Variants in LMO7 observed in about 807,000 individuals in gnomAD.
LMO7 encodes the protein LIM domain only protein 7.
Under a neutral mutation model 206.5 loss-of-function variants are expected in LMO7, and 120 were observed. That is an observed-to-expected ratio of 0.58 (90% CI 0.50 to 0.68). The LOEUF (loss-of-function observed/expected upper bound fraction) is 0.68, where lower values mean the gene tolerates loss of function less well. LMO7 is among the 30% of genes least tolerant of loss of function. LMO7 has a pLI of 0.00. For synonymous variants in LMO7, 706 were observed against 681.5 expected, an observed-to-expected ratio of 1.04 and a Z score of -0.56; for missense variants, 1,959 against 1,957.9, an observed-to-expected ratio of 1.00 and a Z score of -0.01.
chr13:75,823,675 C>G lies in LMO7; in HGVS notation c.2751C>G (p.Ser917Arg). ...CGGACGCAAGCCAACTGGCTTCAAG[C>G]TTATCTAGCCAGAAAGAGGTAGCAG... ...PSPDASQLAS[S>R]LSSQKEVAAT... The change falls in exon 15 of 31, where the codon AGC (serine) becomes AGG (arginine). Residue 917 changes from serine (S) to arginine (R), a missense_variant. Physicochemically the swap from Ser to Arg is moderately radical, Grantham distance 110 (BLOSUM62 -1). Coordinates refer to ENST00000377534, the MANE Select transcript of LMO7 (RefSeq NM_001306080.2). 6.2e-7 allele frequency: 1 copy of G among 1,614,178 alleles called. No homozygotes were observed. The highest frequency in any genetic ancestry group is 8.5e-7 in the Non-Finnish European group (1 of 1,180,016).
At position 75,805,961 on chromosome 13, in the gene LMO7, T is replaced by C. The variant is rs543631433; in HGVS notation, c.1196+201T>C. The C allele has an allele frequency of 5.0e-4, 555 of 1,119,582 alleles. 3 individuals are homozygous for C. Among genetic ancestry groups the C allele is most frequent in the Middle Eastern group, 4.4e-3 (14 of 3,218 alleles). The allele number at this position is 1,119,582 out of a possible 1,614,324, so 69.4% of individuals were successfully genotyped here. On this transcript the variant is annotated intron_variant, in intron 9 of 30. Coordinates refer to ENST00000377534, the MANE Select transcript of LMO7 (RefSeq NM_001306080.2). ...CTAGATCTTAAAAAGCCCTGTTCTA[T>C]ACATAGTCATAGCACGGCATTATTT... is the stretch of plus-strand genomic sequence containing the variant.
Position 75,823,703 on chromosome 13 carries a change from A to G in LMO7, c.2779A>G (p.Thr927Ala), listed in dbSNP as rs2057825362. ...ATCTAGCCAGAAAGAGGTAGCAGCA[A>G]CAGAAGAAGATGTGACAAGGCTGCC... ...SLSSQKEVAA[T>A]EEDVTRLPSP... Residue 927 changes from threonine to alanine, a missense_variant, in exon 15 of 31, where the codon ACA (threonine) becomes GCA (alanine). Coordinates refer to ENST00000377534, the MANE Select transcript of LMO7 (RefSeq NM_001306080.2). 1 of 1,614,170 alleles carries G rather than the reference A, an allele frequency of 6.2e-7. No homozygotes were observed. Among genetic ancestry groups the G allele is most frequent in the Non-Finnish European group, 8.5e-7 (1 of 1,180,022 alleles).
chr13:75,805,534 ACTT>A lies in LMO7; in HGVS notation c.972_974del (p.Ser325del), dbSNP rs1287025589. 3.7e-6 allele frequency: 6 copies of A among 1,614,018 alleles called. No individual in the cohort carries two copies. The highest frequency in any genetic ancestry group is 5.1e-6 in the Non-Finnish European group (6 of 1,179,870). On this transcript the variant is annotated inframe_deletion, in exon 9 of 31. Coordinates refer to ENST00000377534, the MANE Select transcript of LMO7 (RefSeq NM_001306080.2). Reference sequence around the variant, plus strand: ...GGAGAACTGGCCAACTGTACAAGGAACTTCAAAGTCCTCTTGTTATTTGGAAGA... The same window carrying A: ...GGAGAACTGGCCAACTGTACAAGGAACAAAGTCCTCTTGTTATTTGGAAGA...
chr13:75,840,816 A>T (rs1447078436), intron 22 of LMO7, among the ~76,000 whole-genome samples: 3 of 152,170 alleles, frequency 2.0e-5, no homozygotes, highest in Non-Finnish European at 4.4e-5. Context: ...ATTGCAGAGT[A>T]ATTCAGCCCC....
chr13:75,754,138 T>A (rs2047489469), intron 3 of LMO7, among the ~76,000 whole-genome samples: 1 of 152,260 alleles, frequency 6.6e-6, no homozygotes, highest in Non-Finnish European at 1.5e-5. Flanking sequence ...TAAACATTTC[T>A]AATATTTCAA....
intron 3 of LMO7, among the ~76,000 whole-genome samples, chr13:75,741,110 A>T (rs1458850417): frequency 2.6e-5 from 4 of 152,224 alleles, no homozygotes; most frequent in Admixed American, 2.6e-4. Context: ...TAAAACTGCT[A>T]AATTGTGGTT....
At chr13:75,664,391 C>T (rs1416859282) in intron 1 of LMO7, among the ~76,000 whole-genome samples, 1 of 152,138 alleles carries the variant, frequency 6.6e-6, no homozygotes, top group Non-Finnish European at 1.5e-5. Flanking sequence ...AATAGTACTC[C>T]ATTGTAAGTA....
chr13:75,751,149 CTTTTTTTTTTTTT>C (rs57976279), intron 3 of LMO7, among the ~76,000 whole-genome samples: 23 of 60,424 alleles, frequency 3.8e-4, no homozygotes, highest in African/African-American at 1.5e-3. Context: ...TTTTTCAGCT[CTTTTTTTTTTTTT>C]TTTTTTTTTT....
rs1320254208 is a variant in LMO7, at chr13:75,840,124, A to C, written c.3477+14A>C. 1 of 1,613,660 alleles carries C rather than the reference A, an allele frequency of 6.2e-7. No individual in the cohort carries two copies. Among genetic ancestry groups the C allele is most frequent in the Non-Finnish European group, 8.5e-7 (1 of 1,179,600 alleles). ...GTGGTTCCTGATGTAAGTAGCATTC[A>C]TTTGTCATTTGGAATAAGGTGAACT... On this transcript the variant is annotated intron_variant, in intron 21 of 30. Transcript: ENST00000377534.
intron 28 of LMO7, among the ~76,000 whole-genome samples, chr13:75,853,728 G>A (rs1421660438): frequency 2.0e-5 from 3 of 152,174 alleles, no homozygotes; most frequent in African/African-American, 4.8e-5. Flanking sequence ...AGCAGCTCAC[G>A]AATGCTTCTC....
At chr13:75,717,944 T>C (rs188262865) in intron 2 of LMO7, among the ~76,000 whole-genome samples, 175 of 152,390 alleles carry the variant, frequency 1.1e-3, no homozygotes, top group African/African-American at 4.0e-3. Context: ...TTTTGAAATT[T>C]AGTGAAAACT....
At chr13:75,693,029 T>C (rs1416395419) in intron 1 of LMO7, among the ~76,000 whole-genome samples, 1 of 152,220 alleles carries the variant, frequency 6.6e-6, no homozygotes, top group Non-Finnish European at 1.5e-5. Flanking sequence ...TTACAGAAGC[T>C]GTAACTTTGC....
chr13:75,668,661 T>A (rs1398713112), intron 1 of LMO7, among the ~76,000 whole-genome samples: 1 of 150,636 alleles, frequency 6.6e-6, no homozygotes, highest in African/African-American at 2.4e-5. Context: ...CCCTCAGAAA[T>A]TTTTTTTTTA....
At chr13:75,743,771 G>C (rs532595971) in intron 3 of LMO7, among the ~76,000 whole-genome samples, 1 of 152,092 alleles carries the variant, frequency 6.6e-6, no homozygotes, top group Non-Finnish European at 1.5e-5. Context: ...CCTGGGTGAT[G>C]AAATAATCTG....
Position 75,645,406 on chromosome 13 carries a change from T to C in LMO7, c.69+8680T>C, listed in dbSNP as rs573355205. ...TCAAAGGAAGGGAGGTCATTGCCAGTCTCATTATAAACTTTCATTCTGGCT... is the reference window on the plus strand; with the variant it reads ...TCAAAGGAAGGGAGGTCATTGCCAGCCTCATTATAAACTTTCATTCTGGCT... On this transcript the variant is annotated intron_variant, in intron 1 of 30. Coordinates refer to ENST00000377534, the MANE Select transcript of LMO7 (RefSeq NM_001306080.2). 2.6e-5 allele frequency among the ~76,000 whole-genome samples: 4 copies of C among 152,296 alleles called. No homozygotes were observed. In the South Asian group the frequency reaches 8.3e-4, roughly 32 times the overall value.
At chr13:75,751,032 G>A (rs901992531) in intron 3 of LMO7, among the ~76,000 whole-genome samples, 1 of 152,044 alleles carries the variant, frequency 6.6e-6, no homozygotes, top group Non-Finnish European at 1.5e-5. Flanking sequence ...CAATTGCAGG[G>A]TTAGAGGAGG....
At chr13:75,818,046 G>A (rs561474547) in intron 12 of LMO7, among the ~76,000 whole-genome samples, 1 of 152,098 alleles carries the variant, frequency 6.6e-6, no homozygotes, top group Non-Finnish European at 1.5e-5. Flanking sequence ...ATTTTCAAAG[G>A]AATTAATAGT....
At chr13:75,731,791 C>T (rs549435171) in intron 3 of LMO7, among the ~76,000 whole-genome samples, 94 of 151,968 alleles carry the variant, frequency 6.2e-4, no homozygotes, top group African/African-American at 1.4e-3. Flanking sequence ...CCATGTTTAG[C>T]GCTTCCTTCA....
intron 1 of LMO7, among the ~76,000 whole-genome samples, chr13:75,664,228 AAAAT>A (rs960701294): frequency 6.6e-6 from 1 of 152,146 alleles, no homozygotes; most frequent in African/African-American, 2.4e-5. Context: ...ATATTTATAA[AAAAT>A]AAATATTAAT....
Sources: gnomAD v4.1 joint callset for allele counts (sites outside exome capture counted in the v4.1 genomes callset) on GRCh38, gnomAD v4.1.1 for gene constraint, MANE v1.5 for transcripts, NCBI Gene and HGNC (gene_info 2026-07-23, HGNC 2026-07-21) for gene names.